Variants in EYS observed in about 807,000 individuals in gnomAD.
EYS encodes the protein protein eyes shut homolog.
In EYS, 250 loss-of-function variants were observed where a neutral mutation model predicts 282.1. That is an observed-to-expected ratio of 0.89 (90% CI 0.80 to 0.98). The LOEUF is 0.98. Ranked by LOEUF, EYS falls within the 50% of genes least tolerant of loss-of-function variation. The pLI, the probability that EYS is intolerant of heterozygous loss-of-function variation, is 0.00. For missense variants in EYS, 4,016 were observed against 3,709.0 expected (o/e 1.08, Z -2.15); for synonymous variants, 1,355 against 1,282.9 (o/e 1.06, Z -1.20).
At chr6:65,072,964 T>A (rs190184671) in intron 12 of EYS, among the ~76,000 whole-genome samples, 146 of 151,626 alleles carry the variant, frequency 9.6e-4, no homozygotes, top group African/African-American at 3.4e-3. Flanking sequence ...AAACATTATA[T>A]AATTAATGTT....
chr6:64,672,744 C>T (rs186519204), intron 22 of EYS, among the ~76,000 whole-genome samples: 1 of 152,196 alleles, frequency 6.6e-6, no homozygotes, highest in East Asian at 1.9e-4. Context: ...GAAGTTACAA[C>T]TAATAAATTT....
At chr6:64,028,792 C>T (rs1299493462) in intron 33 of EYS, among the ~76,000 whole-genome samples, 4 of 152,160 alleles carry the variant, frequency 2.6e-5, no homozygotes, top group Admixed American at 6.5e-5. Context: ...TCAGAAGCCT[C>T]GTGCCAGCAG....
chr6:65,141,481 T>C (rs545943283), intron 12 of EYS, among the ~76,000 whole-genome samples: 9 of 147,370 alleles, frequency 6.1e-5, no homozygotes, highest in African/African-American at 1.8e-4. Flanking sequence ...ACCCAAAAAC[T>C]TAAAGTATAA....
At chr6:64,556,249 T>C (rs1253012223) in intron 26 of EYS, among the ~76,000 whole-genome samples, 2 of 152,008 alleles carry the variant, frequency 1.3e-5, no homozygotes, top group African/African-American at 4.8e-5. Flanking sequence ...ATGTGGAGAA[T>C]AGATTAAAAA....
intron 14 of EYS, among the ~76,000 whole-genome samples, chr6:64,970,347 G>A (rs1369414523): frequency 1.3e-5 from 2 of 152,098 alleles, no homozygotes; most frequent in East Asian, 3.9e-4. Context: ...ACAGGCATGG[G>A]CTCCTATGCC....
At position 65,495,715 on chromosome 6, in the gene EYS, T is replaced by C. The variant is rs1379474803; in HGVS notation, c.-197-108A>G. 3 of 405,368 alleles carry C rather than the reference T, an allele frequency of 7.4e-6. No individual in the cohort carries two copies. In the East Asian group the frequency reaches 1.5e-4, roughly 21 times the overall value. 25.1% of individuals were successfully genotyped at this position (405,368 alleles called of 1,614,324 possible). A position where few individuals can be genotyped will look rare whatever the true frequency, so the allele number is the denominator to read the frequency against. On this transcript the variant is annotated intron_variant, in intron 3 of 42. Coordinates refer to ENST00000503581, the MANE Select transcript of EYS (RefSeq NM_001142800.2). ...TTCATAAGAGCCTACACTGCAAAGA[T>C]AGTGTCACCAGCAGCTGGGGACCTT...
chr6:64,359,603 A>G (rs765032810), intron 29 of EYS, among the ~76,000 whole-genome samples: 6 of 151,776 alleles, frequency 4.0e-5, no homozygotes, highest in Non-Finnish European at 8.9e-5. Flanking sequence ...ATATTTGCTC[A>G]ATCAGAGTTC....
At chr6:65,126,254 T>C (rs2150199357) in intron 12 of EYS, among the ~76,000 whole-genome samples, 1 of 152,284 alleles carries the variant, frequency 6.6e-6, no homozygotes, top group Middle Eastern at 3.4e-3. Context: ...TAAATCTTTG[T>C]ATCTTCAATG....
chr6:64,016,854 A>T (rs937444877), intron 33 of EYS, among the ~76,000 whole-genome samples: 2 of 152,086 alleles, frequency 1.3e-5, no homozygotes, highest in African/African-American at 4.8e-5. Context: ...TTAGCAGCAA[A>T]TGACTAATTA....
chr6:63,986,403 C>T (rs551659138), intron 34 of EYS, among the ~76,000 whole-genome samples: 7 of 151,812 alleles, frequency 4.6e-5, no homozygotes, highest in Admixed American at 1.3e-4. Flanking sequence ...ACCATTTGGC[C>T]CAGCAATCCC....
chr6:64,327,104 G>A (rs1261360413), intron 29 of EYS, among the ~76,000 whole-genome samples: 11 of 152,114 alleles, frequency 7.2e-5, no homozygotes, highest in African/African-American at 1.2e-4. Flanking sequence ...ATCATGGGGC[G>A]TGATGTGGGG....
At chr6:64,695,572 CT>C (rs1034564585) in intron 22 of EYS, among the ~76,000 whole-genome samples, 6 of 141,580 alleles carry the variant, frequency 4.2e-5, no homozygotes, top group East Asian at 2.0e-4. Context: ...AATAATCATA[CT>C]TTTTTTCTTT....
At chr6:64,881,382 T>A (rs914971332) in intron 19 of EYS, among the ~76,000 whole-genome samples, 42 of 152,016 alleles carry the variant, frequency 2.8e-4, no homozygotes, top group African/African-American at 9.4e-4. Context: ...GTCTGGAATA[T>A]CATCTGTGGG....
At chr6:65,170,214 A>G (rs574853720) in intron 12 of EYS, among the ~76,000 whole-genome samples, 36 of 151,394 alleles carry the variant, frequency 2.4e-4, no homozygotes, top group Non-Finnish European at 4.7e-4. Context: ...AGATGCACAC[A>G]CGCGCGCGTG....
intron 22 of EYS, among the ~76,000 whole-genome samples, chr6:64,659,141 T>G (rs1279209349): frequency 6.6e-6 from 1 of 151,658 alleles, no homozygotes; most frequent in African/African-American, 2.4e-5. Context: ...GACTACTGGG[T>G]ACATAACAAA....
chr6:64,089,515 T>C (rs1478418733), intron 31 of EYS, among the ~76,000 whole-genome samples: 1 of 149,434 alleles, frequency 6.7e-6, no homozygotes, highest in Non-Finnish European at 1.5e-5. Flanking sequence ...CTGTATATCC[T>C]ATAATATAGT....
At chr6:65,492,577 G>T (rs1766089239) in intron 4 of EYS, among the ~76,000 whole-genome samples, 1 of 152,164 alleles carries the variant, frequency 6.6e-6, no homozygotes, top group South Asian at 2.1e-4. Flanking sequence ...GAAAATGGAT[G>T]CTTTAAAGAC....
intron 22 of EYS, among the ~76,000 whole-genome samples, chr6:64,648,313 A>C (rs1352540460): frequency 6.6e-6 from 1 of 152,168 alleles, no homozygotes; most frequent in Non-Finnish European, 1.5e-5. Flanking sequence ...CTCCCAGAAA[A>C]AGAACATCAA....
intron 30 of EYS, among the ~76,000 whole-genome samples, chr6:64,254,904 G>C (rs1767340208): frequency 6.6e-6 from 1 of 152,084 alleles, no homozygotes; most frequent in African/African-American, 2.4e-5. Context: ...AGTGAAAAGA[G>C]GGGAAGGACG....
Sources: allele counts gnomAD v4.1 joint callset (sites outside exome capture counted in the v4.1 genomes callset), GRCh38; gene constraint gnomAD v4.1.1; transcripts MANE v1.5; gene names NCBI Gene and HGNC (gene_info 2026-07-23, HGNC 2026-07-21).